Variants in GCNA observed in about 807,000 individuals in gnomAD.
The protein encoded by GCNA is germ cell nuclear acidic peptidase.
GCNA carries 3 observed loss-of-function variants against 38.8 expected under a neutral mutation model. That is an observed-to-expected ratio of 0.08 (90% confidence interval 0.04 to 0.20). The LOEUF is 0.20. Among genes scored for constraint, GCNA ranks in the 10% least tolerant of loss-of-function variants. The probability of loss-of-function intolerance (pLI) is 1.00; values close to 1 mark genes in which losing one functional copy is unlikely to be tolerated. For synonymous variants in GCNA, 195 were observed against 240.2 expected (o/e 0.81, Z 1.74); for missense variants, 446 against 578.6 (o/e 0.77, Z 2.35).
At chrX:71,580,991 G>T in intron 2 of GCNA, 111 bp downstream of exon 2, 1 of 747,095 alleles carries the variant, frequency 1.3e-6, no homozygotes, top group African/African-American at 2.1e-5. Context: ...CGTATAACTT[G>T]GTTTGTTATA....
rs1283580618 is a variant in GCNA at position 71,603,761 on chromosome X, A to G, written c.484A>G (p.Asn162Asp). Residue 162 changes from asparagine to aspartate, a missense_variant, in exon 8 of 13, where the codon AAC becomes GAC. Physicochemically the swap from Asn to Asp is conservative, Grantham distance 23. This residue lies in a region of GCNA where 118 missense variants were observed against 122.8 expected (regional missense o/e 0.96). Transcript: ENST00000373696. ...NSDDSEAPDD[N>D]SDDSEAPDDN... ...TGATGATTCGGAAGCTCCTGACGAC[A>G]ACAGTGATGATTCGGAAGCTCCCGA... The G allele has an allele frequency of 2.5e-6, 3 of 1,208,924 alleles. No individual in the cohort carries two copies. Among genetic ancestry groups the G allele is most frequent in the Non-Finnish European group, 3.4e-6 (3 of 894,872 alleles).
chrX:71,587,316 G>A (rs1422157117), intron 2 of GCNA, among the ~76,000 whole-genome samples: 1 of 110,063 alleles, frequency 9.1e-6, no homozygotes, highest in Non-Finnish European at 1.9e-5. Flanking sequence ...ACAGTGAAGG[G>A]GGTGGGGAAG....
chrX:71,598,756 C>G (rs1219161009), intron 7 of GCNA, among the ~76,000 whole-genome samples: 1 of 111,000 alleles, frequency 9.0e-6, no homozygotes, highest in Non-Finnish European at 1.9e-5. Context: ...TTTGTTCTGT[C>G]AGTACAGGTA....
At chrX:71,589,482 T>TC (rs2040610249) in intron 2 of GCNA, among the ~76,000 whole-genome samples, 1 of 73,424 alleles carries the variant, frequency 1.4e-5, no homozygotes, top group African/African-American at 6.8e-5. Context: ...TTTTTTTTTT[T>TC]TGAGACAGAG....
intron 6 of GCNA, 94 bp from the exon 7 acceptor site, chrX:71,597,856 A>G: frequency 1.5e-6 from 1 of 651,841 alleles, no homozygotes; most frequent in Non-Finnish European, 2.4e-6. Context: ...AAAATTGACA[A>G]GTGGTCAAGA....
intron 6 of GCNA, among the ~76,000 whole-genome samples, chrX:71,597,549 G>C (rs1462213381): frequency 9.0e-6 from 1 of 111,244 alleles, no homozygotes; most frequent in East Asian, 2.8e-4. Context: ...CCTACTCTGA[G>C]GCTGCCTCTC....
In GCNA at chrX:71,613,216, T is replaced by G. The variant is rs1401538359; in HGVS notation, c.*234T>G. 5 of 371,511 alleles carry G rather than the reference T, an allele frequency of 1.3e-5. No homozygotes were observed. Among genetic ancestry groups the G allele is most frequent in the Non-Finnish European group, 2.3e-5 (5 of 218,918 alleles). The allele number at this position is 371,511 out of a possible 1,213,427, so 30.6% of individuals were successfully genotyped here. The stretch of plus-strand genomic sequence containing the variant: ...AATTTAGGTACTGTTAAGTAAGTAA[T>G]GTTAGAATTTAAGATTCATGTTATT... On this transcript the variant is annotated 3_prime_UTR_variant, in exon 13 of 13. Transcript: ENST00000373696.
intron 7 of GCNA, among the ~76,000 whole-genome samples, chrX:71,600,395 TA>T (rs2040703872): frequency 8.9e-6 from 1 of 111,882 alleles, no homozygotes; most frequent in African/African-American, 3.2e-5. Context: ...AACCAAGACA[TA>T]ATCACAAAAT....
At chrX:71,611,846 G>A (rs1185634083) in intron 11 of GCNA, among the ~76,000 whole-genome samples, 1 of 111,406 alleles carries the variant, frequency 9.0e-6, no homozygotes. Context: ...AAACAATATC[G>A]GGTTGAAGTA....
At chrX:71,595,549 A>G (rs1028772023) in intron 6 of GCNA, among the ~76,000 whole-genome samples, 2 of 111,575 alleles carry the variant, frequency 1.8e-5, no homozygotes, top group Non-Finnish European at 3.8e-5. Flanking sequence ...TGTTTACCCC[A>G]ATATTTAACG....
intron 2 of GCNA, among the ~76,000 whole-genome samples, chrX:71,589,993 C>T: frequency 9.4e-6 from 1 of 105,919 alleles, no homozygotes; most frequent in Admixed American, 1.0e-4. Flanking sequence ...TGGTCTTGAA[C>T]TCCTGGGCTC....
chrX:71,594,864 T>C, intron 6 of GCNA, 85 bp downstream of exon 6: 3 of 526,986 alleles, frequency 5.7e-6, no homozygotes, highest in Non-Finnish European at 9.3e-6. Flanking sequence ...TCTAAGGAAA[T>C]TTAAGAGTAA....
intron 1 of GCNA, among the ~76,000 whole-genome samples, chrX:71,579,252 A>G (rs1465225605): frequency 9.1e-5 from 6 of 66,195 alleles, no homozygotes; most frequent in African/African-American, 1.8e-4. Flanking sequence ...AGAAGTAGGG[A>G]TGCCAGTGGC....
intron 7 of GCNA, among the ~76,000 whole-genome samples, chrX:71,602,742 T>C (rs1171080795): frequency 1.8e-5 from 2 of 111,860 alleles, no homozygotes; most frequent in Non-Finnish European, 3.8e-5. Flanking sequence ...CTCTTCACTT[T>C]GTTGATTGTT....
chrX:71,612,885 T>C lies in GCNA; in HGVS notation c.1979T>C (p.Leu660Ser). The C allele has an allele frequency of 8.3e-7, 1 of 1,211,633 alleles. No homozygotes were observed. The highest frequency in any genetic ancestry group is 1.1e-6 in the Non-Finnish European group (1 of 895,447). Residue 660 changes from leucine to serine, a missense_variant, in exon 13 of 13, where the codon TTG (leucine) becomes TCG (serine). By Grantham distance (145) the Leu-to-Ser change is moderately radical. Around this residue, in one of 7 missense-constraint regions of GCNA, gnomAD observed 34 missense variants for 33.2 expected, o/e 1.02. Transcript: ENST00000373696. ...AGGATTGGCTGCTACACCAAATCGT[T>C]GGACACCAGCCGCTTCATCTGTGCC... ...KTRIGCYTKS[L>S]DTSRFICAKC...
Position 71,604,529 on chromosome X carries a change from A to G in GCNA, c.1252A>G (p.Lys418Glu). 1.7e-6 allele frequency: 2 copies of G among 1,194,919 alleles called. No homozygotes were observed. Among genetic ancestry groups the G allele is most frequent in the Non-Finnish European group, 2.3e-6 (2 of 886,610 alleles). ...ATCAGGGAAAAGGAAGTCAAAAACC[A>G]AAACTATTGTGGAGCCACCGAGGAA... Reference protein sequence around the residue: ...EQSGKRKSKTKTIVEPPRKRQ... With the variant: ...EQSGKRKSKTETIVEPPRKRQ... Residue 418 changes from lysine (K) to glutamate (E), a missense_variant, in exon 8 of 13, where the codon AAA becomes GAA. By Grantham distance (56) the Lys-to-Glu change is moderately conservative (BLOSUM62 1). This residue lies in a region of GCNA where 160 missense variants were observed against 165.2 expected (regional missense o/e 0.97). Coordinates refer to ENST00000373696, the MANE Select transcript of GCNA (RefSeq NM_052957.5).
chrX:71,581,954 A>G (rs2040549198), intron 2 of GCNA, among the ~76,000 whole-genome samples: 1 of 110,017 alleles, frequency 9.1e-6, no homozygotes, highest in African/African-American at 3.3e-5. Flanking sequence ...ATGACAAAGA[A>G]TATTAGAAGG....
intron 2 of GCNA, among the ~76,000 whole-genome samples, chrX:71,586,984 G>T (rs1332072619): frequency 8.9e-6 from 1 of 111,843 alleles, no homozygotes; most frequent in East Asian, 2.8e-4. Context: ...AGAGCTCAAG[G>T]CTATTAATGT....
At chrX:71,609,445 C>T (rs1055416206) in intron 10 of GCNA, among the ~76,000 whole-genome samples, 1 of 111,223 alleles carries the variant, frequency 9.0e-6, no homozygotes, top group Non-Finnish European at 1.9e-5. Context: ...AGTTGAGGCT[C>T]GACAATCAGG....
Sources: gnomAD v4.1 joint callset for allele counts (sites outside exome capture counted in the v4.1 genomes callset) on GRCh38, gnomAD v4.1.1 for gene constraint, gnomAD v4.1.1 regional missense constraint, MANE v1.5 for transcripts, NCBI Gene and HGNC (gene_info 2026-07-23, HGNC 2026-07-21) for gene names.